JAZF1: variants seen among roughly 807,000 people sequenced by gnomAD.
JAZF1 encodes juxtaposed with another zinc finger protein 1.
Under a neutral mutation model 26.4 loss-of-function variants are expected in JAZF1, and 8 were observed. That is an observed-to-expected ratio of 0.30 (90% CI 0.18 to 0.55). The LOEUF (loss-of-function observed/expected upper bound fraction) is 0.55. JAZF1 is among the 20% of genes least tolerant of loss of function. The pLI is 0.94. For synonymous variants in JAZF1, 126 were observed against 122.3 expected (o/e 1.03, Z -0.20); for missense variants, 199 against 322.0 (o/e 0.62, Z 2.92).
intron 1 of JAZF1, among the ~76,000 whole-genome samples, chr7:28,120,876 T>A (rs1782591510): frequency 6.6e-6 from 1 of 152,048 alleles, no homozygotes; most frequent in African/African-American, 2.4e-5. Flanking sequence ...AACTAAACCC[T>A]AGGCCCAGAT....
intron 2 of JAZF1, among the ~76,000 whole-genome samples, chr7:27,918,958 A>C (rs1020253788): frequency 1.2e-4 from 19 of 152,176 alleles, no homozygotes; most frequent in Non-Finnish European, 2.4e-4. Flanking sequence ...CAATAACCTA[A>C]ACATGGGACT....
At position 27,991,913 on chromosome 7, in the gene JAZF1, T is replaced by C; in HGVS notation, c.184A>G (p.Asn62Asp). Residue 62 changes from asparagine to aspartate, a missense_variant, in exon 2 of 5, where the codon AAT (asparagine) becomes GAT (aspartate). Transcript: ENST00000283928. ...QPTYVALSYINRFMTDAARRE... is the reference protein window; with the variant it reads ...QPTYVALSYIDRFMTDAARRE... ...TAAATTCTGAAAATGGCTTACCTATTTATGTAACTCAGGGCAACATAGGTT... is the reference window on the plus strand; with the variant it reads ...TAAATTCTGAAAATGGCTTACCTATCTATGTAACTCAGGGCAACATAGGTT... The C allele has an allele frequency of 6.4e-7, 1 of 1,571,552 alleles. No homozygotes were observed. Among genetic ancestry groups the C allele is most frequent in the Admixed American group, 1.7e-5 (1 of 57,800 alleles).
intron 1 of JAZF1, among the ~76,000 whole-genome samples, chr7:27,998,196 CG>C (rs1165000668): frequency 6.6e-6 from 1 of 152,058 alleles, no homozygotes; most frequent in African/African-American, 2.4e-5. Flanking sequence ...AGAAGCCCTG[CG>C]TCCTGAGTCT....
chr7:27,851,101 C>T (rs1462940805), intron 3 of JAZF1, among the ~76,000 whole-genome samples: 1 of 152,118 alleles, frequency 6.6e-6, no homozygotes, highest in African/African-American at 2.4e-5. Flanking sequence ...GGCCACCACG[C>T]CTGGCTAGTT....
intron 3 of JAZF1, among the ~76,000 whole-genome samples, chr7:27,845,739 T>A (rs11974252): frequency 0.39 from 56,795 of 147,378 alleles, 11,652 homozygotes; most frequent in East Asian, 0.65. Context: ...AAAGAAATTT[T>A]AAAAAAATGT....
intron 1 of JAZF1, among the ~76,000 whole-genome samples, chr7:28,005,652 G>C (rs183145560): frequency 6.6e-6 from 1 of 152,330 alleles, no homozygotes; most frequent in Admixed American, 6.5e-5. Flanking sequence ...TTATGTGCTA[G>C]CTGGGGATTT....
intron 1 of JAZF1, among the ~76,000 whole-genome samples, chr7:28,007,921 T>G (rs557393866): frequency 6.6e-6 from 1 of 152,166 alleles, no homozygotes; most frequent in Non-Finnish European, 1.5e-5. Context: ...AAGTGCTTCA[T>G]AGAATGCTGG....
chr7:28,111,525 A>C (rs1784661052), intron 1 of JAZF1, among the ~76,000 whole-genome samples: 1 of 152,106 alleles, frequency 6.6e-6, no homozygotes, highest in Admixed American at 6.5e-5. Flanking sequence ...TTTCTATCAC[A>C]TGATAGCTAT....
chr7:27,997,743 CT>C (rs904024087), intron 1 of JAZF1, among the ~76,000 whole-genome samples: 6,038 of 144,922 alleles, frequency 0.042, 323 homozygotes, highest in African/African-American at 0.13. Context: ...AATATTTCTA[CT>C]TTTTTTTTTT....
At chr7:27,990,079 A>G (rs1394754223) in intron 2 of JAZF1, among the ~76,000 whole-genome samples, 2 of 152,226 alleles carry the variant, frequency 1.3e-5, no homozygotes, top group African/African-American at 4.8e-5. Context: ...TGTGGCACAT[A>G]TACACCATGG....
intron 1 of JAZF1, among the ~76,000 whole-genome samples, chr7:28,035,454 C>G (rs1783274733): frequency 6.7e-6 from 1 of 148,422 alleles, no homozygotes; most frequent in Non-Finnish European, 1.5e-5. Flanking sequence ...CTTAAGAAAT[C>G]TAAAGAGATA....
At chr7:27,842,622 G>A (rs1349057383) in intron 3 of JAZF1, 1 of 152,198 alleles carries the variant, frequency 6.6e-6, no homozygotes, top group Non-Finnish European at 1.5e-5. Flanking sequence ...CTTGTACCAA[G>A]TGACACAGTG....
In JAZF1 at chr7:27,869,354, T is replaced by C. The variant is rs1783539932; in HGVS notation, c.385+25866A>G. 2.0e-5 allele frequency among the ~76,000 whole-genome samples: 3 copies of C among 152,300 alleles called. No homozygotes were observed. In the South Asian group the frequency reaches 6.2e-4, roughly 32 times the overall value. On this transcript the variant is annotated intron_variant, in intron 3 of 4. Transcript: ENST00000283928. ...TAGGACTCCAAAACCATCAGGTGCT[T>C]CCATTAGGTTCTGCCTGAACTACGG...
intron 1 of JAZF1, among the ~76,000 whole-genome samples, chr7:28,111,996 G>A (rs953587863): frequency 3.3e-5 from 5 of 152,172 alleles, no homozygotes; most frequent in South Asian, 2.1e-4. Flanking sequence ...ATTTTTAATC[G>A]TTCCAACTCT....
intron 2 of JAZF1, among the ~76,000 whole-genome samples, chr7:27,900,874 AAT>A (rs755543120): frequency 6.6e-6 from 1 of 152,232 alleles, no homozygotes; most frequent in Non-Finnish European, 1.5e-5. Context: ...TATGCAAATC[AAT>A]ATATACATTT....
intron 1 of JAZF1, among the ~76,000 whole-genome samples, chr7:28,058,491 C>T (rs115397132): frequency 0.017 from 2,554 of 152,256 alleles, 72 homozygotes; most frequent in African/African-American, 0.057. Context: ...CCTACAAGTT[C>T]ATCTTTTGGC....
At chr7:27,953,420 G>A (rs1785042316) in intron 2 of JAZF1, among the ~76,000 whole-genome samples, 1 of 152,200 alleles carries the variant, frequency 6.6e-6, no homozygotes, top group Non-Finnish European at 1.5e-5. Flanking sequence ...CCCAAAATGT[G>A]CCATATTAGT....
At chr7:27,918,720 C>T (rs990630772) in intron 2 of JAZF1, among the ~76,000 whole-genome samples, 6 of 152,044 alleles carry the variant, frequency 3.9e-5, no homozygotes, top group Non-Finnish European at 5.9e-5. Context: ...CAATTTTTAC[C>T]ACCTGTGCAA....
chr7:28,128,830 C>G (rs879705229), intron 1 of JAZF1, among the ~76,000 whole-genome samples: 2 of 152,196 alleles, frequency 1.3e-5, no homozygotes, highest in Non-Finnish European at 2.9e-5. Context: ...AAAATAAGCA[C>G]ATTCATGGTG....
Sources: gnomAD v4.1 joint callset for allele counts (sites outside exome capture counted in the v4.1 genomes callset) on GRCh38, gnomAD v4.1.1 for gene constraint, MANE v1.5 for transcripts, NCBI Gene and HGNC (gene_info 2026-07-23, HGNC 2026-07-21) for gene names.